The following MAP2 variants were observed in gnomAD, a reference collection of about 807,000 sequenced individuals.
The protein encoded by MAP2 is microtubule-associated protein 2.
Under a neutral mutation model 137.6 loss-of-function variants are expected in MAP2, and 14 were observed. The ratio of observed to expected loss-of-function variants is 0.10; its 90% CI spans 0.07 to 0.16. The LOEUF (loss-of-function observed/expected upper bound fraction) is 0.16, where lower values mean the gene tolerates loss of function less well. Among genes scored for constraint, MAP2 ranks in the 10% least tolerant of loss-of-function variants. The pLI, the probability that MAP2 is intolerant of heterozygous loss-of-function variation, is 1.00. For missense variants in MAP2, 2,088 were observed against 2,191.5 expected, an observed-to-expected ratio of 0.95 and a Z score of 0.94; for synonymous variants, 786 against 782.3, an observed-to-expected ratio of 1.00 and a Z score of -0.08.
chr2:209,696,365 T>A lies in MAP2; in HGVS notation c.4180+15T>A. The A allele has an allele frequency of 1.3e-6, 2 of 1,527,040 alleles. No individual in the cohort carries two copies. The highest frequency in any genetic ancestry group is 1.7e-6 in the Non-Finnish European group (2 of 1,144,380). 94.6% of individuals were successfully genotyped at this position (1,527,040 alleles called of 1,614,324 possible). ...GGACACTCAAGGTGTGCATTATTAT[T>A]ATTATTATTTTAACTCAAACACAAT... On this transcript the variant is annotated intron_variant, in intron 8 of 15. Coordinates refer to ENST00000682079, the MANE Select transcript of MAP2 (RefSeq NM_001375505.1).
rs1048917826 is a variant in MAP2 at position 209,695,147 on chromosome 2, G to A, written c.2977G>A (p.Gly993Arg). The change falls in exon 8 of 16, where the codon GGA (glycine) becomes AGA (arginine). Residue 993 changes from glycine to arginine, a missense_variant. Physicochemically the swap from Gly to Arg is moderately radical, Grantham distance 125 (BLOSUM62 -2). This residue lies in a region of MAP2 where 500 missense variants were observed against 482.9 expected (regional missense o/e 1.04). Coordinates refer to ENST00000682079, the MANE Select transcript of MAP2 (RefSeq NM_001375505.1). ...TGATGAAATAGAAACATTCGGATTA[G>A]GAGTAACCTATGAGCAAGCTTTGGC... ...AGDEIETFGL[G>R]VTYEQALAKD... The A allele has an allele frequency of 3.1e-6, 5 of 1,614,076 alleles. No homozygotes were observed. Among genetic ancestry groups the A allele is most frequent in the Admixed American group, 1.7e-5 (1 of 60,002 alleles).
chr2:209,671,778 C>T (rs183796900), intron 5 of MAP2, among the ~76,000 whole-genome samples: 29 of 151,902 alleles, frequency 1.9e-4, no homozygotes, highest in African/African-American at 6.5e-4. Context: ...TGCCAAGGTG[C>T]TTGGATTTTT....
intron 13 of MAP2, among the ~76,000 whole-genome samples, chr2:209,719,731 C>A (rs57542539): frequency 0.1 from 15,676 of 152,162 alleles, 955 homozygotes; most frequent in East Asian, 0.23. Context: ...TTACAATATT[C>A]TTCTCTATCA....
chr2:209,656,445 G>A (rs2095152781), intron 5 of MAP2, among the ~76,000 whole-genome samples: 1 of 152,016 alleles, frequency 6.6e-6, no homozygotes, highest in African/African-American at 2.4e-5. Context: ...GGGAGGTCAA[G>A]ACTGCAGTGA....
chr2:209,467,394 A>G (rs939312817), intron 1 of MAP2, among the ~76,000 whole-genome samples: 1 of 152,106 alleles, frequency 6.6e-6, no homozygotes, highest in Non-Finnish European at 1.5e-5. Flanking sequence ...AAAAAAATAA[A>G]TTTCAGCTTC....
intron 1 of MAP2, among the ~76,000 whole-genome samples, chr2:209,435,280 A>T (rs1695636476): frequency 1.3e-5 from 2 of 151,730 alleles, no homozygotes; most frequent in Non-Finnish European, 2.9e-5. Flanking sequence ...GGTAAAAAAA[A>T]AAGTATGTCT....
intron 1 of MAP2, among the ~76,000 whole-genome samples, chr2:209,466,730 G>A (rs1214447605): frequency 6.6e-6 from 1 of 152,136 alleles, no homozygotes; most frequent in Non-Finnish European, 1.5e-5. Context: ...GATAGGGAAG[G>A]CATTTGTTTC....
intron 5 of MAP2, among the ~76,000 whole-genome samples, chr2:209,673,792 GAAGAAAAAGC>G (rs2049982287): frequency 6.6e-6 from 1 of 151,648 alleles, no homozygotes; most frequent in South Asian, 2.1e-4. Flanking sequence ...CCTATGTTTG[GAAGAAAAAGC>G]AAGAAAAAGA....
At position 209,695,126 on chromosome 2, in the gene MAP2, G is replaced by C; in HGVS notation, c.2956G>C (p.Glu986Gln). The C allele has an allele frequency of 1.2e-6, 2 of 1,614,162 alleles. No individual in the cohort carries two copies. The highest frequency in any genetic ancestry group is 1.7e-6 in the Non-Finnish European group (2 of 1,180,024). ...CAAGAAAACTGAAGAGGCTGGTGATGAAATAGAAACATTCGGATTAGGAGT... is the reference window on the plus strand; with the variant it reads ...CAAGAAAACTGAAGAGGCTGGTGATCAAATAGAAACATTCGGATTAGGAGT... Reference protein sequence around the residue: ...HAKKTEEAGDEIETFGLGVTY... With the variant: ...HAKKTEEAGDQIETFGLGVTY... Residue 986 changes from glutamate (E) to glutamine (Q), a missense_variant, in exon 8 of 16, where the codon GAA becomes CAA. Around this residue, in one of 6 missense-constraint regions of MAP2, gnomAD observed 500 missense variants for 482.9 expected, o/e 1.04. Coordinates refer to ENST00000682079, the MANE Select transcript of MAP2 (RefSeq NM_001375505.1).
chr2:209,455,075 G>C (rs968809285), intron 1 of MAP2, among the ~76,000 whole-genome samples: 1 of 152,102 alleles, frequency 6.6e-6, no homozygotes, highest in Non-Finnish European at 1.5e-5. Flanking sequence ...ACATCATGAG[G>C]ACCTCACCCT....
intron 13 of MAP2, among the ~76,000 whole-genome samples, chr2:209,722,846 A>G (rs984159313): frequency 3.5e-4 from 53 of 152,220 alleles, no homozygotes; most frequent in Admixed American, 1.2e-3. Context: ...CTATGTCTGT[A>G]TGACCTAGTT....
At chr2:209,539,863 C>G (rs1337984692) in intron 2 of MAP2, among the ~76,000 whole-genome samples, 1 of 144,148 alleles carries the variant, frequency 6.9e-6, no homozygotes, top group African/African-American at 2.6e-5. Flanking sequence ...TTTGGGAGAC[C>G]AAGGCAGGAG....
intron 2 of MAP2, among the ~76,000 whole-genome samples, chr2:209,543,536 T>C (rs1408945333): frequency 6.6e-6 from 1 of 152,184 alleles, no homozygotes. Flanking sequence ...TGAGGCATAC[T>C]CAGATATTGA....
intron 2 of MAP2, among the ~76,000 whole-genome samples, chr2:209,578,922 A>G (rs1431953552): frequency 9.4e-5 from 14 of 149,604 alleles, no homozygotes; most frequent in African/African-American, 3.4e-4. Context: ...TGGTTTTCTA[A>G]TTCTCTGTTT....
At chr2:209,475,792 A>G (rs1389396357) in intron 1 of MAP2, among the ~76,000 whole-genome samples, 1 of 152,182 alleles carries the variant, frequency 6.6e-6, no homozygotes, top group African/African-American at 2.4e-5. Flanking sequence ...TGTATGGAAT[A>G]TATTTATAGT....
At chr2:209,543,735 G>T (rs74506810) in intron 2 of MAP2, among the ~76,000 whole-genome samples, 3 of 152,138 alleles carry the variant, frequency 2.0e-5, no homozygotes, top group Non-Finnish European at 2.9e-5. Flanking sequence ...GTATTTTAAA[G>T]ATTTAAGGGC....
intron 2 of MAP2, among the ~76,000 whole-genome samples, chr2:209,569,310 ATTTCAGTG>A (rs144902570): frequency 0.02 from 2,983 of 151,844 alleles, 94 homozygotes; most frequent in African/African-American, 0.068. Context: ...TAATGTTTTA[ATTTCAGTG>A]TTTCAGTGTT....
chr2:209,584,797 A>G (rs1347660081), intron 3 of MAP2, among the ~76,000 whole-genome samples: 1 of 152,146 alleles, frequency 6.6e-6, no homozygotes, highest in Non-Finnish European at 1.5e-5. Context: ...GCTCAAGTTC[A>G]TATACAGAGT....
rs896691180 is a variant in MAP2 at position 209,435,780 on chromosome 2, A to T, written c.-222+11504A>T. The stretch of plus-strand genomic sequence containing the variant: ...ATTTTGGTTACAGACATTTTCACAT[A>T]CAATTAAGAAAATATCAACACTAAA... On this transcript the variant is annotated intron_variant, in intron 1 of 15. Transcript: ENST00000682079. Among the ~76,000 whole-genome samples, 3 of 150,904 alleles carry T rather than the reference A, an allele frequency of 2.0e-5. No individual in the cohort carries two copies. In the Admixed American group the frequency reaches 2.0e-4, roughly 10 times the overall value.
Sources: allele counts gnomAD v4.1 joint callset (sites outside exome capture counted in the v4.1 genomes callset), GRCh38; gene constraint gnomAD v4.1.1; regional missense constraint gnomAD v4.1.1; transcripts MANE v1.5; gene names NCBI Gene and HGNC (gene_info 2026-07-23, HGNC 2026-07-21).